The following TTC29 variants were observed in gnomAD, a reference collection of about 807,000 sequenced individuals.
TTC29 encodes the protein tetratricopeptide repeat domain 29.
Under a neutral mutation model 58.1 loss-of-function variants are expected in TTC29, and 49 were observed. The ratio of observed to expected loss-of-function variants is 0.84; its 90% CI spans 0.67 to 1.07. The LOEUF is 1.07. Among genes scored for constraint, TTC29 ranks in the 50% least tolerant of loss-of-function variants. TTC29 has a pLI of 0.00. For missense variants in TTC29, 582 were observed against 555.6 expected (o/e 1.05, Z -0.48); for synonymous variants, 209 against 196.8 (o/e 1.06, Z -0.52).
At chr4:146,753,326 G>C (rs1441311976) in intron 11 of TTC29, among the ~76,000 whole-genome samples, 3 of 152,204 alleles carry the variant, frequency 2.0e-5, no homozygotes, top group South Asian at 2.1e-4. Flanking sequence ...GGCCATCAGA[G>C]AAATGCAAAT....
chr4:146,931,003 T>A (rs2150318102), intron 4 of TTC29, among the ~76,000 whole-genome samples: 1 of 152,212 alleles, frequency 6.6e-6, no homozygotes, highest in Non-Finnish European at 1.5e-5. Context: ...AAACTGCGAG[T>A]TTATCTGTAC....
chr4:146,801,978 CAAAAAAAAAAAAAAAA>C (rs57486017), intron 11 of TTC29, among the ~76,000 whole-genome samples: 2 of 38,774 alleles, frequency 5.2e-5, no homozygotes, highest in South Asian at 1.9e-3. Context: ...GACTCTGTCT[CAAAAAAAAAAAAAAAA>C]AAAAAAAAAA....
intron 11 of TTC29, among the ~76,000 whole-genome samples, chr4:146,777,080 G>A (rs1435108853): frequency 6.6e-6 from 1 of 152,198 alleles, no homozygotes; most frequent in East Asian, 1.9e-4. Flanking sequence ...AAGTTCGGAT[G>A]AGTGCTCTTG....
At chr4:146,919,577 CA>C in intron 4 of TTC29, among the ~76,000 whole-genome samples, 1 of 150,926 alleles carries the variant, frequency 6.6e-6, no homozygotes, top group Non-Finnish European at 1.5e-5. Flanking sequence ...TTTCTATTAA[CA>C]AAAAACTCCA....
chr4:146,941,143 T>C (rs1156936472), intron 2 of TTC29, among the ~76,000 whole-genome samples: 1 of 152,184 alleles, frequency 6.6e-6, no homozygotes, highest in Non-Finnish European at 1.5e-5. Context: ...GCAAGGGCTG[T>C]CAGATACAAA....
At chr4:146,760,754 G>GTGTA (rs376040981) in intron 11 of TTC29, among the ~76,000 whole-genome samples, 7 of 117,256 alleles carry the variant, frequency 6.0e-5, no homozygotes, top group African/African-American at 2.5e-4. Flanking sequence ...ATATATATGT[G>GTGTA]TATATATATA....
At chr4:146,812,130 T>C (rs1751066925) in intron 10 of TTC29, among the ~76,000 whole-genome samples, 1 of 152,120 alleles carries the variant, frequency 6.6e-6, no homozygotes, top group Non-Finnish European at 1.5e-5. Context: ...ATATTGAAGA[T>C]GATGAAAATA....
chr4:146,770,493 G>A (rs1747651090), intron 11 of TTC29, among the ~76,000 whole-genome samples: 3 of 151,684 alleles, frequency 2.0e-5, no homozygotes, highest in South Asian at 2.1e-4. Context: ...GAATTGGCCT[G>A]TAATGTCTTT....
intron 11 of TTC29, among the ~76,000 whole-genome samples, chr4:146,733,771 T>C (rs560671827): frequency 6.6e-6 from 1 of 152,316 alleles, no homozygotes; most frequent in African/African-American, 2.4e-5. Flanking sequence ...TAAGCAAGGC[T>C]GTTATTAGTG....
intron 6 of TTC29, among the ~76,000 whole-genome samples, chr4:146,886,496 T>G (rs1028545047): frequency 3.9e-5 from 6 of 152,118 alleles, no homozygotes; most frequent in African/African-American, 1.4e-4. Flanking sequence ...GGGAGTTATG[T>G]GCTGGACCCA....
chr4:146,761,074 T>C (rs1321580662), intron 11 of TTC29, among the ~76,000 whole-genome samples: 1 of 151,726 alleles, frequency 6.6e-6, no homozygotes, highest in Non-Finnish European at 1.5e-5. Flanking sequence ...AATGATACAA[T>C]GGACTTTGGG....
intron 11 of TTC29, among the ~76,000 whole-genome samples, chr4:146,728,751 GGA>G (rs1491261849): frequency 4.5e-5 from 6 of 133,406 alleles, no homozygotes; most frequent in African/African-American, 1.6e-4. Flanking sequence ...ACTGTCCAGA[GGA>G]TATATGTACA....
intron 4 of TTC29, among the ~76,000 whole-genome samples, chr4:146,909,927 A>T (rs542680626): frequency 6.6e-6 from 1 of 152,298 alleles, no homozygotes; most frequent in Middle Eastern, 3.4e-3. Context: ...TGACGCTTAC[A>T]TTCTAGGGGC....
chr4:146,836,285 G>A (rs1329613779), intron 8 of TTC29, among the ~76,000 whole-genome samples: 1 of 152,002 alleles, frequency 6.6e-6, no homozygotes, highest in Non-Finnish European at 1.5e-5. Context: ...AGAGAGTGTG[G>A]GTATTTCCTT....
intron 6 of TTC29, among the ~76,000 whole-genome samples, chr4:146,891,997 T>G (rs1470235326): frequency 6.6e-6 from 1 of 152,148 alleles, no homozygotes; most frequent in Non-Finnish European, 1.5e-5. Flanking sequence ...TTTATGTGAC[T>G]GAGTTTCTGA....
At chr4:146,929,291 A>G (rs1038830670) in intron 4 of TTC29, among the ~76,000 whole-genome samples, 12 of 152,228 alleles carry the variant, frequency 7.9e-5, no homozygotes, top group Non-Finnish European at 1.5e-4. Flanking sequence ...GAATTCTGTT[A>G]TTTAATTTCA....
chr4:146,929,662 G>T lies in TTC29; in HGVS notation c.176+7932C>A, dbSNP rs929078045. 2.6e-5 allele frequency among the ~76,000 whole-genome samples: 4 copies of T among 152,090 alleles called. No homozygotes were observed. In the East Asian group the frequency reaches 7.7e-4, roughly 29 times the overall value. ...TCAAGGTTTGCATGCATATACTGATGTTGGTTAATATAAATCTGACATCTG... is the reference window on the plus strand; with the variant it reads ...TCAAGGTTTGCATGCATATACTGATTTTGGTTAATATAAATCTGACATCTG... On this transcript the variant is annotated intron_variant, in intron 4 of 12. Transcript: ENST00000325106.
intron 9 of TTC29, among the ~76,000 whole-genome samples, chr4:146,822,121 T>TTA (rs1337520747): frequency 9.4e-4 from 135 of 143,354 alleles, no homozygotes; most frequent in African/African-American, 3.2e-3. Flanking sequence ...TATTTTCTTT[T>TTA]AAAAAAAAAA....
intron 2 of TTC29, chr4:146,942,890 T>C: frequency 2.9e-6 from 1 of 342,190 alleles, no homozygotes; most frequent in Non-Finnish European, 5.3e-6. Context: ...TGAGGAACAG[T>C]GCTTGCAATT....
Sources: gnomAD v4.1 joint callset for allele counts (sites outside exome capture counted in the v4.1 genomes callset) on GRCh38, gnomAD v4.1.1 for gene constraint, MANE v1.5 for transcripts, NCBI Gene and HGNC (gene_info 2026-07-23, HGNC 2026-07-21) for gene names.